CDH17: variants seen among roughly 807,000 people sequenced by gnomAD.
The protein encoded by CDH17 is cadherin-17.
Under a neutral mutation model 86.3 loss-of-function variants are expected in CDH17, and 67 were observed. The observed-to-expected ratio is 0.78, with a 90% CI of 0.64 to 0.95. The LOEUF is 0.95. Ranked by LOEUF, CDH17 falls within the 40% of genes least tolerant of loss-of-function variation. CDH17 has a pLI of 0.00. For missense variants in CDH17, 993 were observed against 1,017.6 expected, an observed-to-expected ratio of 0.98 and a Z score of 0.33; for synonymous variants, 367 against 366.4, an observed-to-expected ratio of 1.00 and a Z score of -0.02.
chr8:94,164,125 A>C (rs1006104881), intron 10 of CDH17, among the ~76,000 whole-genome samples: 1 of 152,180 alleles, frequency 6.6e-6, no homozygotes, highest in Non-Finnish European at 1.5e-5. Flanking sequence ...CTATCTTCAA[A>C]TTGCTCCAGG....
At chr8:94,139,869 A>G (rs1256117199) in intron 15 of CDH17, among the ~76,000 whole-genome samples, 4 of 151,308 alleles carry the variant, frequency 2.6e-5, no homozygotes, top group Non-Finnish European at 5.9e-5. Context: ...CCTGGGCAAC[A>G]GAGTAAGACT....
In CDH17 at chr8:94,159,963, C is replaced by G; in HGVS notation, c.1551+8G>C. ...AGACAAATTCTATTAAATAAATGGG[C>G]TATTTACCTTTTTAATTATGACATA... is the stretch of plus-strand genomic sequence containing the variant. On this transcript the variant is annotated splice_region_variant and intron_variant, in intron 12 of 17. Coordinates refer to ENST00000027335, the MANE Select transcript of CDH17 (RefSeq NM_004063.4). 1 of 1,595,262 alleles carries G rather than the reference C, an allele frequency of 6.3e-7. No individual in the cohort carries two copies. Among genetic ancestry groups the G allele is most frequent in the Non-Finnish European group, 8.5e-7 (1 of 1,170,096 alleles).
intron 3 of CDH17, among the ~76,000 whole-genome samples, chr8:94,178,194 G>T (rs1360423664): frequency 6.6e-6 from 1 of 152,104 alleles, no homozygotes; most frequent in Non-Finnish European, 1.5e-5. Context: ...TACTTTTTCA[G>T]AAGTGGAGAA....
chr8:94,173,370 G>A (rs974338722), intron 7 of CDH17, among the ~76,000 whole-genome samples: 1 of 152,086 alleles, frequency 6.6e-6, no homozygotes, highest in Non-Finnish European at 1.5e-5. Context: ...GTGCTTAAAT[G>A]TGTGTGGCAC....
chr8:94,157,732 C>T (rs1812973113), intron 12 of CDH17, among the ~76,000 whole-genome samples: 2 of 152,034 alleles, frequency 1.3e-5, no homozygotes, highest in South Asian at 4.2e-4. Context: ...GCCTGGGCAA[C>T]ATAAGGAGAC....
rs114413865 is a variant in CDH17 at position 94,144,519 on chromosome 8, T to C, written c.2167+1409A>G. 2.9e-3 allele frequency among the ~76,000 whole-genome samples: 439 copies of C among 152,106 alleles called. 4 individuals are homozygous for C. Among genetic ancestry groups the C allele is most frequent in the African/African-American group, 9.9e-3 (412 of 41,494 alleles). On this transcript the variant is annotated intron_variant, in intron 15 of 17. Coordinates refer to ENST00000027335, the MANE Select transcript of CDH17 (RefSeq NM_004063.4). Reference sequence around the variant, plus strand: ...AGTGCAATAAGATGAGGTATGCCTATACAAAAATTACCTTAAAAAGGCATA... The same window carrying C: ...AGTGCAATAAGATGAGGTATGCCTACACAAAAATTACCTTAAAAAGGCATA...
At chr8:94,142,470 G>A (rs79935317) in intron 15 of CDH17, among the ~76,000 whole-genome samples, 1 of 152,328 alleles carries the variant, frequency 6.6e-6, no homozygotes, top group Non-Finnish European at 1.5e-5. Flanking sequence ...GGTTGCTGAA[G>A]GCTGGGATGG....
chr8:94,183,931 T>A (rs1045812698), intron 3 of CDH17, among the ~76,000 whole-genome samples: 1 of 151,770 alleles, frequency 6.6e-6, no homozygotes, highest in African/African-American at 2.4e-5. Context: ...CAAGAAGATA[T>A]ATAAATAGTC....
At chr8:94,214,208 G>A (rs1351226505) in intron 1 of CDH17, among the ~76,000 whole-genome samples, 1 of 152,118 alleles carries the variant, frequency 6.6e-6, no homozygotes, top group Admixed American at 6.5e-5. Context: ...CACTTAGCCA[G>A]ACAGTGTGCA....
At chr8:94,216,183 G>A (rs1483401062) in intron 1 of CDH17, among the ~76,000 whole-genome samples, 2 of 152,160 alleles carry the variant, frequency 1.3e-5, no homozygotes, top group Non-Finnish European at 1.5e-5. Flanking sequence ...ATTACATTGG[G>A]CCTGGTCTCA....
intron 15 of CDH17, among the ~76,000 whole-genome samples, chr8:94,137,473 G>T (rs1163283697): frequency 6.6e-6 from 1 of 152,168 alleles, no homozygotes; most frequent in Non-Finnish European, 1.5e-5. Flanking sequence ...CTCCTTCTCT[G>T]CCAGTTGCTA....
chr8:94,168,147 TATATATA>T (rs1813200685), intron 9 of CDH17, among the ~76,000 whole-genome samples: 1 of 102,044 alleles, frequency 9.8e-6, no homozygotes, highest in Admixed American at 1.0e-4. Context: ...TATATATATA[TATATATA>T]TATTTGTGTG....
chr8:94,139,334 A>C (rs1812591733), intron 15 of CDH17, among the ~76,000 whole-genome samples: 1 of 152,222 alleles, frequency 6.6e-6, no homozygotes, highest in South Asian at 2.1e-4. Context: ...GACAACTTCA[A>C]GTGGCCTAAT....
intron 11 of CDH17, among the ~76,000 whole-genome samples, chr8:94,161,673 A>G (rs1813054917): frequency 6.6e-6 from 1 of 152,182 alleles, no homozygotes; most frequent in Non-Finnish European, 1.5e-5. Flanking sequence ...AATTATTACA[A>G]ATTAAATCGC....
upstream of CDH17, among the ~76,000 whole-genome samples, chr8:94,212,499 G>GTTT (rs34678816): frequency 4.3e-4 from 63 of 148,184 alleles, no homozygotes; most frequent in South Asian, 1.3e-3. Flanking sequence ...CTGTTGTTGA[G>GTTT]TTTTTTTTTT....
At chr8:94,193,801 C>A (rs1448047738) in intron 2 of CDH17, among the ~76,000 whole-genome samples, 2 of 152,080 alleles carry the variant, frequency 1.3e-5, no homozygotes, top group Non-Finnish European at 1.5e-5. Flanking sequence ...TGATAGTTTT[C>A]AAGTTTCATT....
At chr8:94,161,949 G>C (rs1813061034) in intron 11 of CDH17, 137 bp downstream of exon 11, 1 of 557,902 alleles carries the variant, frequency 1.8e-6, no homozygotes, top group Admixed American at 3.1e-5. Flanking sequence ...GATGGCATCT[G>C]GGTTATTTGT....
In CDH17 at chr8:94,130,864, C is replaced by A; in HGVS notation, c.2284+12G>T. 2 of 1,569,964 alleles carry A rather than the reference C, an allele frequency of 1.3e-6. No homozygotes were observed. Among genetic ancestry groups the A allele is most frequent in the South Asian group, 1.1e-5 (1 of 90,168 alleles). ...AGATACTAGCCTGAGTTGCCTATAG[C>A]AGAATATCTACCTGGTAAAGAAACA... On this transcript the variant is annotated intron_variant, in intron 16 of 17. Coordinates refer to ENST00000027335, the MANE Select transcript of CDH17 (RefSeq NM_004063.4).
chr8:94,189,366 C>T, intron 2 of CDH17, 81 bp from the exon 3 acceptor site: 3 of 944,422 alleles, frequency 3.2e-6, no homozygotes, highest in Non-Finnish European at 3.3e-6. Context: ...CTTCCAGCAC[C>T]AATATACAAA....
Sources: allele counts gnomAD v4.1 joint callset (sites outside exome capture counted in the v4.1 genomes callset), GRCh38; gene constraint gnomAD v4.1.1; transcripts MANE v1.5; gene names NCBI Gene and HGNC (gene_info 2026-07-23, HGNC 2026-07-21).